Variants in CTNNA2 observed in about 807,000 individuals in gnomAD.
CTNNA2 encodes the protein catenin alpha 2, also known as catenin alpha-2.
Under a neutral mutation model 101.0 loss-of-function variants are expected in CTNNA2, and 42 were observed. The ratio of observed to expected loss-of-function variants is 0.42; its 90% confidence interval spans 0.32 to 0.54. CTNNA2 has a LOEUF of 0.54. Ranked by LOEUF, CTNNA2 falls within the 20% of genes least tolerant of loss-of-function variation. The pLI is 0.14. For missense variants in CTNNA2, 871 were observed against 1,223.1 expected, an observed-to-expected ratio of 0.71 and a Z score of 4.29; for synonymous variants, 450 against 456.4, an observed-to-expected ratio of 0.99 and a Z score of 0.18.
At chr2:80,326,251 A>G (rs1682022465) in intron 7 of CTNNA2, among the ~76,000 whole-genome samples, 1 of 152,192 alleles carries the variant, frequency 6.6e-6, no homozygotes, top group Admixed American at 6.5e-5. Flanking sequence ...ACATTATCCA[A>G]AAACTGCCAT....
intron 4 of CTNNA2, among the ~76,000 whole-genome samples, chr2:79,473,850 CT>C (rs773055384): frequency 6.6e-6 from 1 of 152,024 alleles, no homozygotes; most frequent in Non-Finnish European, 1.5e-5. Flanking sequence ...ATAAAATATA[CT>C]TTTTAACCTT....
At chr2:79,496,072 G>T (rs2104569279) in intron 4 of CTNNA2, among the ~76,000 whole-genome samples, 1 of 152,258 alleles carries the variant, frequency 6.6e-6, no homozygotes, top group Middle Eastern at 3.4e-3. Flanking sequence ...AAAATAGATA[G>T]TGGTGATAGT....
At chr2:80,034,754 A>G (rs1695541277) in intron 7 of CTNNA2, among the ~76,000 whole-genome samples, 2 of 152,190 alleles carry the variant, frequency 1.3e-5, no homozygotes, top group South Asian at 4.1e-4. Context: ...GAAATCCACA[A>G]TTTGATAAAA....
chr2:79,270,298 C>CT (rs1282508846), intron 2 of CTNNA2, among the ~76,000 whole-genome samples: 1 of 152,140 alleles, frequency 6.6e-6, no homozygotes, highest in East Asian at 1.9e-4. Context: ...GAACCATGCA[C>CT]TATACTCTGG....
At chr2:79,624,546 G>T (rs1424225943) in intron 1 of CTNNA2, among the ~76,000 whole-genome samples, 1 of 152,192 alleles carries the variant, frequency 6.6e-6, no homozygotes, top group Non-Finnish European at 1.5e-5. Context: ...GAAAGGTAAT[G>T]CCGGGGAGGA....
At chr2:79,388,630 C>A (rs1427523295) in intron 4 of CTNNA2, among the ~76,000 whole-genome samples, 2 of 152,138 alleles carry the variant, frequency 1.3e-5, no homozygotes, top group Non-Finnish European at 1.5e-5. Context: ...TCTACCTCTG[C>A]CCTCCTCCCA....
intron 7 of CTNNA2, among the ~76,000 whole-genome samples, chr2:79,912,836 A>G (rs1685904267): frequency 6.6e-6 from 1 of 152,198 alleles, no homozygotes; most frequent in South Asian, 2.1e-4. Context: ...ATAGTTCCAA[A>G]TTATAGTGAA....
At chr2:80,135,403 C>T (rs535260073) in intron 7 of CTNNA2, among the ~76,000 whole-genome samples, 53 of 152,300 alleles carry the variant, frequency 3.5e-4, no homozygotes, top group Non-Finnish European at 6.6e-4. Flanking sequence ...CAGCCTCTTC[C>T]TTCTTTGTCG....
intron 7 of CTNNA2, among the ~76,000 whole-genome samples, chr2:80,043,095 CT>C (rs1696239775): frequency 5.0e-5 from 1 of 19,958 alleles, no homozygotes; most frequent in East Asian, 1.1e-3. Context: ...TTCTTTCTTT[CT>C]CTCTCTCTCT....
intron 4 of CTNNA2, among the ~76,000 whole-genome samples, chr2:79,489,050 T>C (rs1671184101): frequency 6.6e-6 from 1 of 152,174 alleles, no homozygotes; most frequent in African/African-American, 2.4e-5. Context: ...CTTTATCGAC[T>C]TCCATGGCAC....
At chr2:79,705,351 C>T (rs900988430) in intron 2 of CTNNA2, among the ~76,000 whole-genome samples, 2 of 152,146 alleles carry the variant, frequency 1.3e-5, no homozygotes, top group African/African-American at 2.4e-5. Flanking sequence ...ATTTTTATTA[C>T]AGTTTATTGT....
At chr2:79,873,409 A>G (rs1295688005) in intron 5 of CTNNA2, among the ~76,000 whole-genome samples, 2 of 152,208 alleles carry the variant, frequency 1.3e-5, no homozygotes, top group Admixed American at 6.5e-5. Context: ...CATTAGAGGT[A>G]CGTTATAGAA....
At chr2:79,315,902 T>C (rs982407409) in intron 3 of CTNNA2, among the ~76,000 whole-genome samples, 2 of 152,132 alleles carry the variant, frequency 1.3e-5, no homozygotes, top group Non-Finnish European at 2.9e-5. Flanking sequence ...AATATCTCTA[T>C]ATTTTACCAC....
At chr2:79,571,990 G>A (rs527393814) in intron 1 of CTNNA2, among the ~76,000 whole-genome samples, 17 of 152,178 alleles carry the variant, frequency 1.1e-4, no homozygotes, top group Non-Finnish European at 2.4e-4. Flanking sequence ...AACTCCCAGC[G>A]TGCCCATTTT....
chr2:79,996,629 G>A (rs1692563823), intron 7 of CTNNA2, among the ~76,000 whole-genome samples: 1 of 152,162 alleles, frequency 6.6e-6, no homozygotes, highest in African/African-American at 2.4e-5. Context: ...TTATACAAAG[G>A]AGAGATTTTA....
intron 11 of CTNNA2, among the ~76,000 whole-genome samples, chr2:80,550,526 CCT>C (rs1451193187): frequency 6.6e-6 from 1 of 152,186 alleles, no homozygotes; most frequent in East Asian, 1.9e-4. Context: ...TGGAGTCAGT[CCT>C]CTCAAACTCT....
At chr2:79,781,790 A>G (rs1674449227) in intron 3 of CTNNA2, among the ~76,000 whole-genome samples, 1 of 152,206 alleles carries the variant, frequency 6.6e-6, no homozygotes, top group African/African-American at 2.4e-5. Flanking sequence ...AACAATTCTG[A>G]AATGGCTTCA....
chr2:80,231,486 C>G (rs1709208682), intron 7 of CTNNA2, among the ~76,000 whole-genome samples: 1 of 152,188 alleles, frequency 6.6e-6, no homozygotes. Flanking sequence ...ATAAGTTTCT[C>G]AATCAGCTGG....
intron 7 of CTNNA2, among the ~76,000 whole-genome samples, chr2:80,084,935 GTT>G (rs1436997484): frequency 2.0e-5 from 3 of 152,108 alleles, no homozygotes; most frequent in African/African-American, 7.2e-5. Context: ...ACAAGGTGGA[GTT>G]TTGATAAAAG....
Sources: allele counts gnomAD v4.1 joint callset (sites outside exome capture counted in the v4.1 genomes callset), GRCh38; gene constraint gnomAD v4.1.1; transcripts MANE v1.5; gene names NCBI Gene and HGNC (gene_info 2026-07-23, HGNC 2026-07-21).